G3BP1: variants seen among roughly 807,000 people sequenced by gnomAD.
G3BP1 encodes G3BP stress granule assembly factor 1.
Under a neutral mutation model 58.6 loss-of-function variants are expected in G3BP1, and 35 were observed. That is an observed-to-expected ratio of 0.60 (90% CI 0.46 to 0.79). The LOEUF is 0.79. G3BP1 is among the 30% of genes least tolerant of loss of function. The pLI is 0.00. For synonymous variants in G3BP1, 191 were observed against 195.4 expected, an observed-to-expected ratio of 0.98 and a Z score of 0.19; for missense variants, 523 against 580.8, an observed-to-expected ratio of 0.90 and a Z score of 1.02.
chr5:151,800,130 T>C, intron 9 of G3BP1, 88 bp from the exon 10 acceptor site: 1 of 1,336,838 alleles, frequency 7.5e-7, no homozygotes, highest in South Asian at 1.3e-5. Context: ...CTGTTTTTAG[T>C]GTAGAGGGAA....
rs1762918343 is a variant in G3BP1, at chr5:151,805,030, T to TA, written c.*940dup. 1 of 152,618 alleles carries TA rather than the reference T, an allele frequency of 6.6e-6. No homozygotes were observed. Among genetic ancestry groups the TA allele is most frequent in the African/African-American group, 2.4e-5 (1 of 41,454 alleles). 9.5% of individuals were successfully genotyped at this position (152,618 alleles called of 1,614,324 possible). On this transcript the variant is annotated 3_prime_UTR_variant, in exon 12 of 12. Transcript: ENST00000356245. ...GTATGTCTTTTGTTAACATATTTGTTATGCCTTATTCTAAAATTGAGTCTC... is the reference window on the plus strand; with the variant it reads ...GTATGTCTTTTGTTAACATATTTGTTAATGCCTTATTCTAAAATTGAGTCTC...
At chr5:151,788,570 ATATGTGTGTGTGTGTGTGTG>A (rs1266169965) in intron 2 of G3BP1, among the ~76,000 whole-genome samples, 4 of 93,188 alleles carry the variant, frequency 4.3e-5, no homozygotes, top group Middle Eastern at 5.8e-3. Flanking sequence ...AGCTAAGTTT[ATATGTGTGTGTGTGTGTGTG>A]TGTGTGTGTG....
chr5:151,783,702 A>G (rs1156336300), intron 1 of G3BP1, among the ~76,000 whole-genome samples: 1 of 151,848 alleles, frequency 6.6e-6, no homozygotes, highest in Non-Finnish European at 1.5e-5. Flanking sequence ...TTAACTGAGA[A>G]TAACAAAATT....
intron 7 of G3BP1, among the ~76,000 whole-genome samples, chr5:151,798,718 C>A (rs1327956064): frequency 6.6e-6 from 1 of 152,062 alleles, no homozygotes; most frequent in African/African-American, 2.4e-5. Flanking sequence ...AATCCCAGCA[C>A]TTTGGGAGGC....
At chr5:151,785,836 T>C (rs74429337) in intron 1 of G3BP1, among the ~76,000 whole-genome samples, 20,783 of 152,248 alleles carry the variant, frequency 0.14, 1,526 homozygotes, top group African/African-American at 0.16. Flanking sequence ...TAAAAGATGC[T>C]ATACTAAAAG....
chr5:151,781,089 TA>T (rs922823377), intron 1 of G3BP1, among the ~76,000 whole-genome samples: 7 of 151,696 alleles, frequency 4.6e-5, no homozygotes, highest in Admixed American at 1.3e-4. Flanking sequence ...CTAGAAATAA[TA>T]AAAAAAATTA....
At position 151,794,307 on chromosome 5, in the gene G3BP1, G is replaced by A. The variant is rs1407128990; in HGVS notation, c.442+58G>A. 5.7e-6 allele frequency: 5 copies of A among 878,734 alleles called. No homozygotes were observed. The African/African-American group carries it at 6.7e-5, about 12-fold the overall frequency. The allele number at this position is 878,734 out of a possible 1,614,324, so 54.4% of individuals were successfully genotyped here. ...AAATTTTTTTTAATGGCATCCGATTGCCCTTAAGAGACTATGGGTTTCTTT... is the reference window on the plus strand; with the variant it reads ...AAATTTTTTTTAATGGCATCCGATTACCCTTAAGAGACTATGGGTTTCTTT... On this transcript the variant is annotated intron_variant, in intron 5 of 11. Transcript: ENST00000356245.
chr5:151,803,863 C>T (rs1451239307), intron 11 of G3BP1, 22 bp from the exon 12 acceptor site: 1 of 1,543,094 alleles, frequency 6.5e-7, no homozygotes, highest in Admixed American at 1.7e-5. Context: ...ACTCTTAAGT[C>T]TGGTCACCTT....
chr5:151,778,090 G>A (rs187900461), intron 1 of G3BP1, among the ~76,000 whole-genome samples: 39 of 152,220 alleles, frequency 2.6e-4, no homozygotes, highest in East Asian at 1.9e-4. Context: ...ATGGGTATAC[G>A]CCTTTATTTC....
chr5:151,781,340 AT>A lies in G3BP1; in HGVS notation c.-49-5225del, dbSNP rs1325193025. Among the ~76,000 whole-genome samples the A allele has an allele frequency of 5.3e-5, 8 of 152,252 alleles. No individual in the cohort carries two copies. In the South Asian group the frequency reaches 8.3e-4, roughly 16 times the overall value. ...GAACTTTAGTATATACTGTACTATAATTTTTTTCCTAGCCACCTCCTGTAAA... is the reference window on the plus strand; with the variant it reads ...GAACTTTAGTATATACTGTACTATAATTTTTTCCTAGCCACCTCCTGTAAA... On this transcript the variant is annotated intron_variant, in intron 1 of 11. Transcript: ENST00000356245.
Position 151,778,626 on chromosome 5 carries a change from G to C in G3BP1, c.-50+6590G>C, listed in dbSNP as rs572004952. Among the ~76,000 whole-genome samples the C allele has an allele frequency of 4.6e-5, 7 of 152,088 alleles. No homozygotes were observed. The South Asian group carries it at 1.2e-3, about 27-fold the overall frequency. On this transcript the variant is annotated intron_variant, in intron 1 of 11. Coordinates refer to ENST00000356245, the MANE Select transcript of G3BP1 (RefSeq NM_005754.3). The stretch of plus-strand genomic sequence containing the variant: ...CCGGCTAATTTTTGTATTTTTAGTA[G>C]AGATGGGGTTTCACCATGTTGGCCA...
intron 5 of G3BP1, among the ~76,000 whole-genome samples, chr5:151,794,977 C>T (rs917244178): frequency 1.1e-4 from 17 of 152,294 alleles, no homozygotes; most frequent in African/African-American, 4.1e-4. Context: ...ACTACAGTAG[C>T]CTTAAAGTCT....
intron 6 of G3BP1, among the ~76,000 whole-genome samples, chr5:151,796,700 A>AT (rs1762757509): frequency 6.6e-6 from 1 of 152,146 alleles, no homozygotes; most frequent in South Asian, 2.1e-4. Context: ...GCCACATATC[A>AT]TAAAATTTGC....
At chr5:151,792,822 C>G (rs1379846847) in intron 4 of G3BP1, among the ~76,000 whole-genome samples, 4 of 152,122 alleles carry the variant, frequency 2.6e-5, no homozygotes, top group Non-Finnish European at 5.9e-5. Flanking sequence ...TCACTGTTGC[C>G]CAGGCTAGTC....
Position 151,791,810 on chromosome 5 carries a change from C to G in G3BP1, c.351+748C>G, listed in dbSNP as rs996023287. 126 of 277,110 alleles carry G rather than the reference C, an allele frequency of 4.5e-4. 1 individual carries two copies. Among genetic ancestry groups the G allele is most frequent in the Non-Finnish European group, 7.8e-5 (11 of 140,750 alleles). 17.2% of individuals were successfully genotyped at this position (277,110 alleles called of 1,614,324 possible). On this transcript the variant is annotated intron_variant, in intron 4 of 11. Coordinates refer to ENST00000356245, the MANE Select transcript of G3BP1 (RefSeq NM_005754.3). The stretch of plus-strand genomic sequence containing the variant: ...TAGCTGGGACTATAGGCGTGTGCTA[C>G]CGTACTCGGCTGATTTTAGTATTTT...
intron 4 of G3BP1, chr5:151,791,354 A>G: frequency 4.7e-6 from 1 of 212,398 alleles, no homozygotes; most frequent in Middle Eastern, 1.8e-3. Context: ...TCTATAATCC[A>G]TTTTTAAAAT....
intron 11 of G3BP1, among the ~76,000 whole-genome samples, chr5:151,801,892 GC>G (rs1561537949): frequency 6.6e-6 from 1 of 151,346 alleles, no homozygotes; most frequent in Admixed American, 6.6e-5. Context: ...TTGGCTCACT[GC>G]AACCTCCACA....
chr5:151,799,852 T>C, intron 8 of G3BP1, 37 bp from the exon 9 acceptor site: 1 of 1,214,024 alleles, frequency 8.2e-7, no homozygotes, highest in Non-Finnish European at 1.2e-6. Context: ...ATAAGCCTGC[T>C]TTGTTTTAAC....
intron 6 of G3BP1, 73 bp downstream of exon 6, chr5:151,795,648 G>A: frequency 2.8e-6 from 2 of 706,100 alleles, no homozygotes; most frequent in Non-Finnish European, 5.0e-6. Flanking sequence ...TTTGTTGGAG[G>A]GCATTTACAT....
Sources: allele counts gnomAD v4.1 joint callset (sites outside exome capture counted in the v4.1 genomes callset), GRCh38; gene constraint gnomAD v4.1.1; transcripts MANE v1.5; gene names NCBI Gene and HGNC (gene_info 2026-07-23, HGNC 2026-07-21).